TBC1D14: variants seen among roughly 807,000 people sequenced by gnomAD.
The protein encoded by TBC1D14 is TBC1 domain family, member 14.
Under a neutral mutation model 79.0 loss-of-function variants are expected in TBC1D14, and 26 were observed. That is an observed-to-expected ratio of 0.33 (90% CI 0.24 to 0.46). TBC1D14 has a LOEUF of 0.46. Among genes scored for constraint, TBC1D14 ranks in the 20% least tolerant of loss-of-function variants. The pLI, the probability that TBC1D14 is intolerant of heterozygous loss-of-function variation, is 1.00. For missense variants in TBC1D14, 769 were observed against 887.6 expected (o/e 0.87, Z 1.70); for synonymous variants, 394 against 349.9 (o/e 1.13, Z -1.40).
chr4:6,921,941 C>G (rs143922911), intron 1 of TBC1D14, among the ~76,000 whole-genome samples: 1 of 152,218 alleles, frequency 6.6e-6, no homozygotes, highest in Non-Finnish European at 1.5e-5. Context: ...TCGACCTGCC[C>G]GCCTCAGCCT....
rs1384297597 is a variant in TBC1D14, at chr4:7,030,518, G to A, written c.*126G>A. 7 of 950,548 alleles carry A rather than the reference G, an allele frequency of 7.4e-6. No homozygotes were observed. The highest frequency in any genetic ancestry group is 1.1e-5 in the Non-Finnish European group (7 of 620,634). The allele number at this position is 950,548 out of a possible 1,614,324, so 58.9% of individuals were successfully genotyped here. The stretch of plus-strand genomic sequence containing the variant: ...TCTTTAAGTTTGATTCCTAACACTG[G>A]AGTTGGCCTTAAACAAAACAAACAC... On this transcript the variant is annotated 3_prime_UTR_variant, in exon 14 of 14. Transcript: ENST00000409757.
intron 2 of TBC1D14, among the ~76,000 whole-genome samples, chr4:6,940,756 G>T (rs1352501056): frequency 6.6e-6 from 1 of 152,216 alleles, no homozygotes; most frequent in South Asian, 2.1e-4. Flanking sequence ...TGCCTGGCCG[G>T]CTGGGCGGCT....
chr4:6,934,574 C>G (rs1712124640), intron 2 of TBC1D14, among the ~76,000 whole-genome samples: 1 of 151,788 alleles, frequency 6.6e-6, no homozygotes, highest in Non-Finnish European at 1.5e-5. Context: ...ATGAGAATCT[C>G]TTGAACCTGG....
At chr4:6,970,580 T>A (rs953132316) in intron 3 of TBC1D14, among the ~76,000 whole-genome samples, 3 of 152,276 alleles carry the variant, frequency 2.0e-5, no homozygotes, top group Non-Finnish European at 2.9e-5. Context: ...TACTGAGCCA[T>A]GTTGAGGCCA....
chr4:6,933,602 C>G (rs1336813522), intron 2 of TBC1D14, among the ~76,000 whole-genome samples: 1 of 152,100 alleles, frequency 6.6e-6, no homozygotes, highest in African/African-American at 2.4e-5. Flanking sequence ...CCCACTGTGC[C>G]TGGCCTACCT....
chr4:6,994,107 A>G (rs1718772753), intron 3 of TBC1D14, 77 bp from the exon 4 acceptor site: 2 of 1,300,292 alleles, frequency 1.5e-6, no homozygotes, highest in Non-Finnish European at 2.2e-6. Flanking sequence ...TTTCATGACA[A>G]AACAACTTTC....
At chr4:6,934,475 A>T (rs532239858) in intron 2 of TBC1D14, among the ~76,000 whole-genome samples, 1 of 152,078 alleles carries the variant, frequency 6.6e-6, no homozygotes, top group Non-Finnish European at 1.5e-5. Context: ...CCTGGCCAAC[A>T]TGGTGAAACC....
At chr4:6,970,776 C>T (rs1209085615) in intron 3 of TBC1D14, among the ~76,000 whole-genome samples, 90 of 106,802 alleles carry the variant, frequency 8.4e-4, no homozygotes, top group African/African-American at 2.3e-3. Flanking sequence ...TCAAGGAGCC[C>T]GTGGCTGAGC....
intron 3 of TBC1D14, among the ~76,000 whole-genome samples, chr4:6,986,487 G>A (rs1717839090): frequency 6.6e-6 from 1 of 152,166 alleles, no homozygotes; most frequent in Non-Finnish European, 1.5e-5. Context: ...CCTGGCGGCC[G>A]TCACAGGCTT....
chr4:6,991,727 T>C (rs1718510479), intron 3 of TBC1D14, among the ~76,000 whole-genome samples: 1 of 151,946 alleles, frequency 6.6e-6, no homozygotes, highest in Non-Finnish European at 1.5e-5. Flanking sequence ...CAGCATGGTC[T>C]AGGGTGGAGC....
chr4:6,993,853 TA>T (rs1718745679), intron 3 of TBC1D14, among the ~76,000 whole-genome samples: 1 of 152,118 alleles, frequency 6.6e-6, no homozygotes, highest in Admixed American at 6.5e-5. Flanking sequence ...CTACTAAAAA[TA>T]AAAAAATTAG....
At position 6,915,986 on chromosome 4, in the gene TBC1D14, C is replaced by T. The variant is rs996711894; in HGVS notation, c.-18+6035C>T. ...AAAAAAATGCAAAAAATTAGCCAGA[C>T]GTGGTGGCGGGCGCCTGTAATCCCA... On this transcript the variant is annotated intron_variant, in intron 1 of 13. Transcript: ENST00000409757. 8.6e-5 allele frequency among the ~76,000 whole-genome samples: 13 copies of T among 151,760 alleles called. No individual in the cohort carries two copies. The East Asian group carries it at 2.3e-3, about 27-fold the overall frequency.
At chr4:6,991,259 AACT>A (rs1718456304) in intron 3 of TBC1D14, among the ~76,000 whole-genome samples, 1 of 152,182 alleles carries the variant, frequency 6.6e-6, no homozygotes, top group Non-Finnish European at 1.5e-5. Context: ...CGGTTGTGAA[AACT>A]ACTGAGACTG....
At chr4:6,928,798 G>C (rs969287808) in intron 2 of TBC1D14, among the ~76,000 whole-genome samples, 2 of 152,210 alleles carry the variant, frequency 1.3e-5, no homozygotes, top group African/African-American at 2.4e-5. Context: ...TTTGTCCAAG[G>C]ATACAGGGAA....
At chr4:6,919,224 G>T (rs967208831) in intron 1 of TBC1D14, among the ~76,000 whole-genome samples, 1 of 151,630 alleles carries the variant, frequency 6.6e-6, no homozygotes, top group Non-Finnish European at 1.5e-5. Flanking sequence ...TCAGCTCACT[G>T]CAACCTCCAC....
intron 2 of TBC1D14, chr4:6,954,289 G>T (rs1211927225): frequency 5.6e-6 from 4 of 717,514 alleles, no homozygotes; most frequent in Non-Finnish European, 1.0e-5. Flanking sequence ...GAGCTGCGAG[G>T]TCACAGTAGA....
At chr4:6,983,122 A>C (rs1717527434) in intron 3 of TBC1D14, among the ~76,000 whole-genome samples, 1 of 152,006 alleles carries the variant, frequency 6.6e-6, no homozygotes, top group Non-Finnish European at 1.5e-5. Context: ...TCCTGGGTTC[A>C]AGCAATTTCT....
chr4:6,986,013 T>C (rs1717786509), intron 3 of TBC1D14, among the ~76,000 whole-genome samples: 1 of 152,236 alleles, frequency 6.6e-6, no homozygotes, highest in Non-Finnish European at 1.5e-5. Flanking sequence ...CAAAGTTTTA[T>C]TTTTCATCAC....
rs1053182860 is a variant in TBC1D14, at chr4:6,949,601, T to G, written c.723-17703T>G. On this transcript the variant is annotated intron_variant, in intron 2 of 13. Coordinates refer to ENST00000409757, the MANE Select transcript of TBC1D14 (RefSeq NM_020773.3). The stretch of plus-strand genomic sequence containing the variant: ...GGGAGACTGAGGGAGGAGAATCGCT[T>G]GAACCCGCGAGGCAGAGTTTGCAGT... Among the ~76,000 whole-genome samples, 4 of 150,464 alleles carry G rather than the reference T, an allele frequency of 2.7e-5. No individual in the cohort carries two copies. In the Admixed American group the frequency reaches 2.7e-4, roughly 10 times the overall value.
Sources: gnomAD v4.1 joint callset for allele counts (sites outside exome capture counted in the v4.1 genomes callset) on GRCh38, gnomAD v4.1.1 for gene constraint, MANE v1.5 for transcripts, NCBI Gene and HGNC (gene_info 2026-07-23, HGNC 2026-07-21) for gene names.